DPP6: variants seen among roughly 807,000 people sequenced by gnomAD.
DPP6 encodes A-type potassium channel modulatory protein DPP6.
A neutral mutation model predicts 122.6 loss-of-function variants in DPP6; 69 were observed. The ratio of observed to expected loss-of-function variants is 0.56; its 90% CI spans 0.46 to 0.69. DPP6 has a LOEUF of 0.69. Ranked by LOEUF, DPP6 falls within the 30% of genes least tolerant of loss-of-function variation. The pLI is 0.00. For missense variants in DPP6, 928 were observed against 1,116.9 expected (o/e 0.83, Z 2.41); for synonymous variants, 418 against 433.1 (o/e 0.97, Z 0.43).
At position 154,168,495 on chromosome 7, in the gene DPP6, G is replaced by A. The variant is rs540644191; in HGVS notation, c.243+115432G>A. ...GGTCACCTCCTTTCCTCTGTGGAAGGGCAGTCACATTGTGATCTTTCAAAA... is the reference window on the plus strand; with the variant it reads ...GGTCACCTCCTTTCCTCTGTGGAAGAGCAGTCACATTGTGATCTTTCAAAA... On this transcript the variant is annotated intron_variant, in intron 1 of 25. Transcript: ENST00000377770. Among the ~76,000 whole-genome samples the A allele has an allele frequency of 3.3e-5, 5 of 152,308 alleles. No homozygotes were observed. In the South Asian group the frequency reaches 1.0e-3, roughly 32 times the overall value.
chr7:154,142,945 C>T (rs1795919025), intron 1 of DPP6, among the ~76,000 whole-genome samples: 1 of 138,832 alleles, frequency 7.2e-6, no homozygotes, highest in South Asian at 2.6e-4. Context: ...CCTTCACAGT[C>T]TTCCATATGC....
chr7:153,856,399 A>G, the DPP6 span, among the ~76,000 whole-genome samples: 1 of 152,224 alleles, frequency 6.6e-6, no homozygotes, highest in Non-Finnish European at 1.5e-5. Flanking sequence ...AATTTTTGTC[A>G]GTTTTTCCAT....
At chr7:154,574,871 GTGT>G (rs1831427768) in intron 5 of DPP6, among the ~76,000 whole-genome samples, 1 of 137,930 alleles carries the variant, frequency 7.3e-6, no homozygotes, top group Admixed American at 7.3e-5. Flanking sequence ...GTGTGTTTGT[GTGT>G]TGTGTGTGTG....
chr7:153,966,576 T>G, intron 1 of DPP6, among the ~76,000 whole-genome samples: 1 of 19,296 alleles, frequency 5.2e-5, no homozygotes, highest in African/African-American at 1.5e-4. Context: ...TTTTTTTTTT[T>G]TTTTTTTTTT....
rs559892832 is a variant in DPP6, at chr7:154,077,228, C to T, written c.243+24165C>T. Among the ~76,000 whole-genome samples the T allele has an allele frequency of 6.1e-4, 93 of 152,122 alleles. 2 individuals carry two copies. The highest frequency in any genetic ancestry group is 3.3e-4 in the Admixed American group (5 of 15,278). On this transcript the variant is annotated intron_variant, in intron 1 of 25. Transcript: ENST00000377770. Reference sequence around the variant, plus strand: ...GTAACTCTGTACTAAAGCCAATTAACTTTGTAGTTGGATGGGTTATAAAAT... The same window carrying T: ...GTAACTCTGTACTAAAGCCAATTAATTTTGTAGTTGGATGGGTTATAAAAT...
At chr7:153,996,542 TC>T (rs1323254889) in intron 1 of DPP6, among the ~76,000 whole-genome samples, 1 of 151,570 alleles carries the variant, frequency 6.6e-6, no homozygotes, top group Non-Finnish European at 1.5e-5. Context: ...GCAATCTTCT[TC>T]TGTGTAAATA....
At chr7:154,683,014 A>G (rs1301170356) in intron 7 of DPP6, among the ~76,000 whole-genome samples, 1 of 152,098 alleles carries the variant, frequency 6.6e-6, no homozygotes, top group Non-Finnish European at 1.5e-5. Context: ...GCTCACATCT[A>G]GTTCAGCTAT....
At chr7:154,702,091 G>C (rs1840563083) in intron 7 of DPP6, among the ~76,000 whole-genome samples, 1 of 152,132 alleles carries the variant, frequency 6.6e-6, no homozygotes, top group African/African-American at 2.4e-5. Flanking sequence ...ATGGTTATCT[G>C]GGATTAGTGA....
chr7:154,526,437 T>C (rs982926506), intron 3 of DPP6, among the ~76,000 whole-genome samples: 2 of 152,176 alleles, frequency 1.3e-5, no homozygotes, highest in Non-Finnish European at 2.9e-5. Flanking sequence ...AAAAGAACTT[T>C]CTACAGTATT....
intron 5 of DPP6, among the ~76,000 whole-genome samples, chr7:154,636,918 A>G (rs1174765827): frequency 2.6e-5 from 4 of 152,236 alleles, no homozygotes; most frequent in African/African-American, 9.6e-5. Flanking sequence ...CTGAACATTT[A>G]GCCACATAGG....
intron 1 of DPP6, among the ~76,000 whole-genome samples, chr7:153,970,434 C>T (rs117307217): frequency 0.018 from 2,807 of 152,240 alleles, 23 homozygotes; most frequent in Non-Finnish European, 0.027. Context: ...CAATATGTGG[C>T]TTGCTGTCAT....
rs1585717359 is a variant in DPP6, at chr7:154,241,528, G to A, written c.243+188465G>A. 6.6e-6 allele frequency among the ~76,000 whole-genome samples: 1 copy of A among 152,052 alleles called. No homozygotes were observed. The highest frequency in any genetic ancestry group is 1.9e-4 in the East Asian group (1 of 5,146). The stretch of plus-strand genomic sequence containing the variant: ...TGAGTTGTGGTCACTCCACTGCACT[G>A]CAGCCTGAGTAACAAAGTGAGACCC... On this transcript the variant is annotated intron_variant, in intron 1 of 25. Transcript: ENST00000377770. The surrounding 1 kb of genome is among the most constrained non-coding windows in gnomAD (Gnocchi z 9.0).
chr7:154,218,500 G>A (rs1473750292), intron 1 of DPP6, among the ~76,000 whole-genome samples: 2 of 152,120 alleles, frequency 1.3e-5, no homozygotes, highest in East Asian at 3.8e-4. Flanking sequence ...TTATTCATAG[G>A]CTTTCTTTGG....
chr7:154,127,634 GACACACACACACACACAGAC>G (rs1355901194), intron 1 of DPP6, among the ~76,000 whole-genome samples: 11 of 59,776 alleles, frequency 1.8e-4, no homozygotes, highest in South Asian at 1.2e-3. Context: ...CACACACACA[GACACACACACACACACAGAC>G]ACACACACAC....
chr7:154,571,702 A>AT (rs1180412704), intron 5 of DPP6, among the ~76,000 whole-genome samples: 3 of 152,122 alleles, frequency 2.0e-5, no homozygotes, highest in African/African-American at 4.8e-5. Context: ...AGATTTTAAG[A>AT]TTTTTTTCCT....
At chr7:154,471,250 C>CA (rs1441263385) in intron 2 of DPP6, among the ~76,000 whole-genome samples, 1 of 152,038 alleles carries the variant, frequency 6.6e-6, no homozygotes, top group Non-Finnish European at 1.5e-5. Flanking sequence ...GACTCCGTCT[C>CA]AAAAAACAAA....
At chr7:154,181,671 C>T (rs1326132554) in intron 1 of DPP6, among the ~76,000 whole-genome samples, 1 of 151,804 alleles carries the variant, frequency 6.6e-6, no homozygotes, top group African/African-American at 2.4e-5. Flanking sequence ...CCTTATCTCT[C>T]TGTGTGTGTT....
At chr7:154,524,344 T>C (rs1185875272) in intron 3 of DPP6, among the ~76,000 whole-genome samples, 1 of 152,234 alleles carries the variant, frequency 6.6e-6, no homozygotes, top group Non-Finnish European at 1.5e-5. Flanking sequence ...CAGAGGGTTA[T>C]TCTGTCCTTG....
At chr7:154,143,488 TATC>T (rs1396580742) in intron 1 of DPP6, among the ~76,000 whole-genome samples, 1 of 151,454 alleles carries the variant, frequency 6.6e-6, no homozygotes, top group Admixed American at 6.6e-5. Context: ...AAATTCAGGT[TATC>T]ATGTAAATTA....
Sources: gnomAD v4.1 joint callset for allele counts (sites outside exome capture counted in the v4.1 genomes callset) on GRCh38, gnomAD v4.1.1 for gene constraint, Gnocchi (gnomAD v3.1) non-coding constraint, MANE v1.5 for transcripts, NCBI Gene and HGNC (gene_info 2026-07-23, HGNC 2026-07-21) for gene names.